SMAD2: variants seen among roughly 807,000 people sequenced by gnomAD.
SMAD2 encodes MAD homolog 2.
In SMAD2, 8 loss-of-function variants were observed where a neutral mutation model predicts 64.4. That is an observed-to-expected ratio of 0.12 (90% CI 0.07 to 0.22). SMAD2 has a LOEUF of 0.22. SMAD2 is among the 10% of genes least tolerant of loss of function. SMAD2 has a pLI of 1.00. For missense variants in SMAD2, 289 were observed against 561.2 expected, an observed-to-expected ratio of 0.51 and a Z score of 4.90; for synonymous variants, 203 against 195.8, an observed-to-expected ratio of 1.04 and a Z score of -0.31.
At chr18:47,848,887 T>C (rs1482589999) in intron 7 of SMAD2, among the ~76,000 whole-genome samples, 200 bp from the exon 8 acceptor site, 1 of 152,186 alleles carries the variant, frequency 6.6e-6, no homozygotes, top group Admixed American at 6.5e-5. Context: ...AACTCCAGTT[T>C]CATAGATCAT....
chr18:47,835,065 A>G lies in SMAD2; in HGVS notation c.*6762T>C, dbSNP rs1373056647. On this transcript the variant is annotated 3_prime_UTR_variant, in exon 11 of 11. Coordinates refer to ENST00000262160, the MANE Select transcript of SMAD2 (RefSeq NM_005901.6). ...TGCTGTGATCTAGTTCAACAACTGCAGAACTGTTCTCATCTTAATCGCTGT... is the reference window on the plus strand; with the variant it reads ...TGCTGTGATCTAGTTCAACAACTGCGGAACTGTTCTCATCTTAATCGCTGT... The G allele has an allele frequency of 4.6e-6, 1 of 219,448 alleles. No individual in the cohort carries two copies. The highest frequency in any genetic ancestry group is 9.1e-6 in the Non-Finnish European group (1 of 109,534). The allele number at this position is 219,448 out of a possible 1,614,324, so 13.6% of individuals were successfully genotyped here.
rs1048564725 is a variant in SMAD2, at chr18:47,824,395, T to C, written c.*17432A>G. ...AGAAGCCGATTGTCCAAACCCGAAC[T>C]GGCAGCATCCTTGTTATTAATCCTT... On this transcript the variant is annotated 3_prime_UTR_variant, in exon 11 of 11. Coordinates refer to ENST00000262160, the MANE Select transcript of SMAD2 (RefSeq NM_005901.6). 6.6e-6 allele frequency: 1 copy of C among 152,250 alleles called. No homozygotes were observed. Among genetic ancestry groups the C allele is most frequent in the African/African-American group, 2.4e-5 (1 of 41,472 alleles). 9.4% of individuals were successfully genotyped at this position (152,250 alleles called of 1,614,324 possible).
At chr18:47,876,391 G>GC (rs1225102116) in intron 2 of SMAD2, among the ~76,000 whole-genome samples, 9 of 152,150 alleles carry the variant, frequency 5.9e-5, no homozygotes, top group Admixed American at 2.0e-4. Flanking sequence ...TGATGTCCCT[G>GC]CATCAATATA....
Position 47,903,187 on chromosome 18 carries a change from G to A in SMAD2, c.-53-6378C>T, listed in dbSNP as rs148015440. Reference sequence around the variant, plus strand: ...TAGACATTGAGCTGCCAAGGGCTGCGGTAGGACAGGAAAGATGAGAAAACT... The same window carrying A: ...TAGACATTGAGCTGCCAAGGGCTGCAGTAGGACAGGAAAGATGAGAAAACT... On this transcript the variant is annotated intron_variant, in intron 1 of 10. Coordinates refer to ENST00000262160, the MANE Select transcript of SMAD2 (RefSeq NM_005901.6). 4.5e-3 allele frequency among the ~76,000 whole-genome samples: 680 copies of A among 152,212 alleles called. 5 individuals are homozygous for A. The highest frequency in any genetic ancestry group is 0.016 in the African/African-American group (649 of 41,510).
chr18:47,851,326 G>A lies in SMAD2; in HGVS notation c.732C>T (p.Gly244=), dbSNP rs750441312. 2 of 1,604,776 alleles carry A rather than the reference G, an allele frequency of 1.2e-6. No individual in the cohort carries two copies. Among genetic ancestry groups the A allele is most frequent in the Non-Finnish European group, 1.7e-6 (2 of 1,172,138 alleles). Residue 244 remains glycine (G), a splice_region_variant and synonymous_variant, in exon 7 of 11, where the codon GGC becomes GGT. Transcript: ENST00000262160. The part of the protein sequence containing the change: ...DQQLNQSMDT[G]SPAELSPTTL... ...TAGTAGGAGATAGTTCTGCTGGAGA[G>A]CCTAAAACAAAAGGATTTAAAAATA...
At position 47,842,935 on chromosome 18, in the gene SMAD2, C is replaced by A. The variant is rs1914112362; in HGVS notation, c.1281-985G>T. On this transcript the variant is annotated intron_variant, in intron 10 of 10. Coordinates refer to ENST00000262160, the MANE Select transcript of SMAD2 (RefSeq NM_005901.6). ...CTATACAGAATAAAGTCAATAAATC[C>A]ACTTGCTTCTACAAACTAACAGCCC... Among the ~76,000 whole-genome samples, 3 of 152,254 alleles carry A rather than the reference C, an allele frequency of 2.0e-5. No homozygotes were observed. The South Asian group carries it at 6.2e-4, about 32-fold the overall frequency.
At chr18:47,895,968 T>C (rs369159902) in intron 2 of SMAD2, among the ~76,000 whole-genome samples, 1 of 152,214 alleles carries the variant, frequency 6.6e-6, no homozygotes, top group East Asian at 1.9e-4. Flanking sequence ...AATGATTAAA[T>C]TTATCCTCAG....
chr18:47,869,548 C>T (rs2031806080), intron 3 of SMAD2, 112 bp from the exon 4 acceptor site: 1 of 768,916 alleles, frequency 1.3e-6, no homozygotes, highest in Non-Finnish European at 2.1e-6. Flanking sequence ...AGAATGACAG[C>T]CATTTAGTTA....
intron 3 of SMAD2, 118 bp downstream of exon 3, chr18:47,870,357 A>C: frequency 2.7e-6 from 2 of 747,526 alleles, no homozygotes; most frequent in Non-Finnish European, 4.9e-6. Flanking sequence ...GCTATGCCTT[A>C]TTTTACATTA....
At chr18:47,906,412 A>C (rs1451972017) in intron 1 of SMAD2, among the ~76,000 whole-genome samples, 2 of 152,178 alleles carry the variant, frequency 1.3e-5, no homozygotes, top group African/African-American at 4.8e-5. Flanking sequence ...CTTTTTTGTT[A>C]AACAGGAAAA....
chr18:47,823,241 T>C lies in SMAD2; in HGVS notation c.*18586A>G, dbSNP rs1912633933. 6.6e-6 allele frequency: 1 copy of C among 152,150 alleles called. No homozygotes were observed. The highest frequency in any genetic ancestry group is 2.4e-5 in the African/African-American group (1 of 41,438). The allele number at this position is 152,150 out of a possible 1,614,324, so 9.4% of individuals were successfully genotyped here. On this transcript the variant is annotated 3_prime_UTR_variant, in exon 11 of 11. Transcript: ENST00000262160. ...ATCTAAAGTCTACCTTGACTTAGCT[T>C]CTTAGCCTCAAGGAGGTTTTTAAAT...
rs1190545118 is a variant in SMAD2 at position 47,830,392 on chromosome 18, C to A, written c.*11435G>T. On this transcript the variant is annotated 3_prime_UTR_variant, in exon 11 of 11. Coordinates refer to ENST00000262160, the MANE Select transcript of SMAD2 (RefSeq NM_005901.6). ...AGGAGTTCAAGACCAGCCTGGCAAA[C>A]ATGGTGAAACCCTGTCTCCACTAAA... 6.6e-6 allele frequency: 1 copy of A among 151,982 alleles called. No individual in the cohort carries two copies. Among genetic ancestry groups the A allele is most frequent in the Admixed American group, 6.6e-5 (1 of 15,246 alleles). The allele number at this position is 151,982 out of a possible 1,614,324, so 9.4% of individuals were successfully genotyped here. A position where few individuals can be genotyped will look rare whatever the true frequency, so the allele number is the denominator to read the frequency against.
At chr18:47,850,620 T>C (rs1302093921) in intron 7 of SMAD2, among the ~76,000 whole-genome samples, 1 of 34,156 alleles carries the variant, frequency 2.9e-5, no homozygotes, top group Non-Finnish European at 4.7e-5. Context: ...ATATATTATA[T>C]ATTATATATA....
chr18:47,872,566 G>T (rs2032001010), intron 2 of SMAD2, among the ~76,000 whole-genome samples: 1 of 152,130 alleles, frequency 6.6e-6, no homozygotes, highest in Non-Finnish European at 1.5e-5. Context: ...CCGGTCCACG[G>T]CCTGTTAGGA....
intron 2 of SMAD2, among the ~76,000 whole-genome samples, chr18:47,872,790 C>T (rs956570811): frequency 2.6e-5 from 4 of 152,262 alleles, no homozygotes; most frequent in Middle Eastern, 3.4e-3. Flanking sequence ...AAACCATTGC[C>T]GCACCACCAC....
chr18:47,809,874 T>C lies in SMAD2; in HGVS notation c.*31953A>G, dbSNP rs548840255. ...TCCTTTTGCCTCATGGCCTGAGACA[T>C]ACTTGGATACAGAGTGGGGTGGACT... On this transcript the variant is annotated 3_prime_UTR_variant, in exon 11 of 11. Coordinates refer to ENST00000262160, the MANE Select transcript of SMAD2 (RefSeq NM_005901.6). The C allele has an allele frequency of 7.2e-5, 11 of 152,320 alleles. No individual in the cohort carries two copies. Among genetic ancestry groups the C allele is most frequent in the Admixed American group, 5.9e-4 (9 of 15,304 alleles). The allele number at this position is 152,320 out of a possible 1,614,324, so 9.4% of individuals were successfully genotyped here. A position where few individuals can be genotyped will look rare whatever the true frequency, so the allele number is the denominator to read the frequency against.
Position 47,851,256 on chromosome 18 carries a change from A to G in SMAD2, c.784+18T>C, listed in dbSNP as rs1174941060. 6.4e-7 allele frequency: 1 copy of G among 1,553,436 alleles called. No homozygotes were observed. The highest frequency in any genetic ancestry group is 8.9e-7 in the Non-Finnish European group (1 of 1,125,598). ...GATACAGTATAAAAATGATGAGGGG[A>G]ACATATGTGCAACTTACCCAAGCTA... On this transcript the variant is annotated intron_variant, in intron 7 of 10. Transcript: ENST00000262160.
chr18:47,839,064 AC>A lies in SMAD2; in HGVS notation c.*2762del. 1 of 233,344 alleles carries A rather than the reference AC, an allele frequency of 4.3e-6. No individual in the cohort carries two copies. Among genetic ancestry groups the A allele is most frequent in the Non-Finnish European group, 8.5e-6 (1 of 118,054 alleles). 14.5% of individuals were successfully genotyped at this position (233,344 alleles called of 1,614,324 possible). ...GGCCACAGTAGATAAAATACAAAAA[AC>A]ATCATCTCGTTAAAAAGCATCAAAC... On this transcript the variant is annotated 3_prime_UTR_variant, in exon 11 of 11. Coordinates refer to ENST00000262160, the MANE Select transcript of SMAD2 (RefSeq NM_005901.6).
At position 47,832,736 on chromosome 18, in the gene SMAD2, C is replaced by A. The variant is rs1391001312; in HGVS notation, c.*9091G>T. 3.3e-5 allele frequency: 5 copies of A among 152,154 alleles called. No homozygotes were observed. Among genetic ancestry groups the A allele is most frequent in the Non-Finnish European group, 7.4e-5 (5 of 67,990 alleles). The allele number at this position is 152,154 out of a possible 1,614,324, so 9.4% of individuals were successfully genotyped here. On this transcript the variant is annotated 3_prime_UTR_variant, in exon 11 of 11. Coordinates refer to ENST00000262160, the MANE Select transcript of SMAD2 (RefSeq NM_005901.6). Reference sequence around the variant, plus strand: ...AAAAGTATATTTCAGCAAATTTCAACTTTGAAGATGTTTTTGTTTACAGCA... The same window carrying A: ...AAAAGTATATTTCAGCAAATTTCAAATTTGAAGATGTTTTTGTTTACAGCA...
Sources: gnomAD v4.1 joint callset for allele counts (sites outside exome capture counted in the v4.1 genomes callset) on GRCh38, gnomAD v4.1.1 for gene constraint, MANE v1.5 for transcripts, NCBI Gene and HGNC (gene_info 2026-07-23, HGNC 2026-07-21) for gene names.